RPS29: variants seen among roughly 807,000 people sequenced by gnomAD.
RPS29 encodes small ribosomal subunit protein uS14.
For synonymous variants in RPS29, 37 were observed against 26.9 expected, an observed-to-expected ratio of 1.37 and a Z score of -1.16; for missense variants, 60 against 75.7, an observed-to-expected ratio of 0.79 and a Z score of 0.77.
intron 2 of RPS29, 61 bp from the exon 3 acceptor site, chr14:49,583,736 C>T: frequency 9.6e-7 from 1 of 1,043,492 alleles, no homozygotes; most frequent in Non-Finnish European, 1.5e-6. Flanking sequence ...TTGATTCTCA[C>T]AAAAAAAAGG....
At chr14:49,584,279 G>A (rs975590748) in intron 2 of RPS29, among the ~76,000 whole-genome samples, 1 of 152,356 alleles carries the variant, frequency 6.6e-6, no homozygotes, top group South Asian at 2.1e-4. Flanking sequence ...GCCTGGCCCA[G>A]TTCATCTAGG....
chr14:49,586,271 A>G lies in RPS29; in HGVS notation c.62+14T>C, dbSNP rs201277853. 412 of 1,613,208 alleles carry G rather than the reference A, an allele frequency of 2.6e-4. 1 individual carries two copies. Among genetic ancestry groups the G allele is most frequent in the Non-Finnish European group, 3.3e-4 (392 of 1,179,278 alleles). The stretch of plus-strand genomic sequence containing the variant: ...CACGGCAACGCTTCCCCAAAATCAC[A>G]AACTATTTCTCACCAAGAGCGAGAA... On this transcript the variant is annotated intron_variant, in intron 1 of 2. Transcript: ENST00000245458.
At chr14:49,578,928 GA>G, downstream of RPS29, among the ~76,000 whole-genome samples, 1 of 152,292 alleles carries the variant, frequency 6.6e-6, no homozygotes, top group South Asian at 2.1e-4. Flanking sequence ...CTACCTGGTT[GA>G]ATCTCTCTTA....
At chr14:49,576,497 C>T (rs1881183960) in exon 3 of RPS29, 1 of 152,112 alleles carries the variant, frequency 6.6e-6, no homozygotes, top group African/African-American at 2.4e-5. Context: ...CTCTGCCTAC[C>T]TAAAAACCCA....
At chr14:49,588,986 G>A (rs1257492575), upstream of RPS29, among the ~76,000 whole-genome samples, 2 of 147,766 alleles carry the variant, frequency 1.4e-5, no homozygotes, top group Non-Finnish European at 3.0e-5. Flanking sequence ...CCGCCTCCCG[G>A]GTTCACGCCA....
chr14:49,571,943 GTTTT>G (rs1205558018), exon 3 of RPS29: 1 of 152,036 alleles, frequency 6.6e-6, no homozygotes, highest in Non-Finnish European at 1.5e-5. Flanking sequence ...ACGTTTTATT[GTTTT>G]ATTTTATTTT....
At chr14:49,586,560 T>C, upstream of RPS29, 1 of 574,686 alleles carries the variant, frequency 1.7e-6, no homozygotes, top group South Asian at 2.0e-5. Flanking sequence ...TCTAGTGCTA[T>C]TCTGCGCCGG....
chr14:49,577,776 G>T, exon 3 of RPS29: 2 of 1,564,024 alleles, frequency 1.3e-6, no homozygotes, highest in Non-Finnish European at 1.8e-6. Context: ...GGCTTCGCGA[G>T]CGGTCTCAGG....
downstream of RPS29, among the ~76,000 whole-genome samples, chr14:49,581,898 C>A (rs1207513648): frequency 1.3e-5 from 2 of 151,560 alleles, no homozygotes; most frequent in Non-Finnish European, 2.9e-5. Context: ...GTGGTGTACA[C>A]CATGTCCCAG....
rs565446922 is a variant in RPS29 at position 49,572,441 on chromosome 14, T to G, written c.*5371A>C. ...TTCAAATTATTGTACATTACTTTTA[T>G]GAGCTTTTTTTCAAAGTTTAACTAG... On this transcript the variant is annotated 3_prime_UTR_variant, in exon 3 of 3. Transcript: ENST00000396020. The G allele has an allele frequency of 2.6e-5, 4 of 152,390 alleles. No individual in the cohort carries two copies. The East Asian group carries it at 7.7e-4, about 29-fold the overall frequency. 9.4% of individuals were successfully genotyped at this position (152,390 alleles called of 1,614,324 possible).
chr14:49,585,714 T>A, intron 2 of RPS29: 1 of 516,564 alleles, frequency 1.9e-6, no homozygotes, highest in East Asian at 2.9e-5. Flanking sequence ...CTAAGCTATC[T>A]AGGTAAAAAA....
At chr14:49,586,777 G>GT (rs1270694587), upstream of RPS29, 4 of 228,292 alleles carry the variant, frequency 1.8e-5, no homozygotes, top group African/African-American at 8.9e-5. Context: ...GCCCAGGTCG[G>GT]AAACGGAGCA....
At position 49,583,688 on chromosome 14, in the gene RPS29, A is replaced by G. The variant is rs1478049014; in HGVS notation, c.163-13T>C. The G allele has an allele frequency of 6.9e-7, 1 of 1,446,524 alleles. No homozygotes were observed. Among genetic ancestry groups the G allele is most frequent in the South Asian group, 1.2e-5 (1 of 83,766 alleles). The allele number at this position is 1,446,524 out of a possible 1,614,324, so 89.6% of individuals were successfully genotyped here. ...GCATTTAGTCCAACTGAAAAAAAAA[A>G]AGCAGATGATTTATTTCAAAATGCT... On this transcript the variant is annotated splice_polypyrimidine_tract_variant and intron_variant, in intron 2 of 2. Transcript: ENST00000245458.
chr14:49,577,746 T>C lies in RPS29; in HGVS notation c.*66A>G, dbSNP rs1163760003. 5.6e-6 allele frequency: 7 copies of C among 1,244,344 alleles called. No individual in the cohort carries two copies. The East Asian group carries it at 1.6e-4, about 29-fold the overall frequency. The allele number at this position is 1,244,344 out of a possible 1,614,324, so 77.1% of individuals were successfully genotyped here. ...TCTGACTGGTTCCCAGTGAACTTGG[T>C]GCTCTTTTTGATGATCTTGGGCTTC... On this transcript the variant is annotated 3_prime_UTR_variant, in exon 3 of 3. Coordinates refer to the RPS29 transcript ENST00000396020.
chr14:49,593,800 T>C (rs1335205283), intron 1 of RPS29, among the ~76,000 whole-genome samples: 1 of 151,194 alleles, frequency 6.6e-6, no homozygotes, highest in Non-Finnish European at 1.5e-5. Context: ...AAACAGAGGC[T>C]GTCCTGGGGC....
At chr14:49,579,872 G>A (rs1047001824), downstream of RPS29, among the ~76,000 whole-genome samples, 3 of 152,150 alleles carry the variant, frequency 2.0e-5, no homozygotes, top group Admixed American at 6.5e-5. Context: ...AGTTCCAGTC[G>A]TTTTGTCTCT....
At chr14:49,590,273 C>A (rs932367347), upstream of RPS29, among the ~76,000 whole-genome samples, 1 of 151,732 alleles carries the variant, frequency 6.6e-6, no homozygotes, top group Non-Finnish European at 1.5e-5. Context: ...GTCAGGAGTT[C>A]TAGACCAACC....
chr14:49,592,922 T>A (rs971802554), intron 1 of RPS29, among the ~76,000 whole-genome samples: 7 of 151,654 alleles, frequency 4.6e-5, no homozygotes, highest in African/African-American at 1.7e-4. Context: ...AAAAAAAAAA[T>A]TAAAATTAAC....
chr14:49,584,035 G>C (rs1881428513), intron 2 of RPS29, among the ~76,000 whole-genome samples: 1 of 152,112 alleles, frequency 6.6e-6, no homozygotes, highest in Non-Finnish European at 1.5e-5. Flanking sequence ...GGACTGGAGT[G>C]CAATGGAGCC....
Sources: allele counts gnomAD v4.1 joint callset (sites outside exome capture counted in the v4.1 genomes callset), GRCh38; gene constraint gnomAD v4.1.1; transcripts MANE v1.5; gene names NCBI Gene and HGNC (gene_info 2026-07-23, HGNC 2026-07-21).